Variants in CDH10 observed in about 807,000 individuals in gnomAD.
CDH10 encodes cadherin-10.
A neutral mutation model predicts 73.1 loss-of-function variants in CDH10; 30 were observed. That is an observed-to-expected ratio of 0.41 (90% CI 0.31 to 0.56). The LOEUF (loss-of-function observed/expected upper bound fraction) is 0.56. CDH10 is among the 20% of genes least tolerant of loss of function. The pLI is 0.27. For synonymous variants in CDH10, 345 were observed against 348.2 expected (o/e 0.99, Z 0.10); for missense variants, 815 against 973.7 (o/e 0.84, Z 2.17).
chr5:24,498,342 A>C (rs1742366232), intron 9 of CDH10, 56 bp downstream of exon 9: 1 of 1,227,866 alleles, frequency 8.1e-7, no homozygotes, highest in African/African-American at 1.5e-5. Context: ...TTTGAAAAGA[A>C]AATATTTTGC....
At chr5:24,573,539 A>C (rs1745477847) in intron 2 of CDH10, among the ~76,000 whole-genome samples, 1 of 151,782 alleles carries the variant, frequency 6.6e-6, no homozygotes, top group South Asian at 2.1e-4. Context: ...GACTCTACTA[A>C]AAATACAGAA....
At chr5:24,599,836 C>T (rs564790612) in intron 1 of CDH10, among the ~76,000 whole-genome samples, 1 of 152,168 alleles carries the variant, frequency 6.6e-6, no homozygotes, top group East Asian at 1.9e-4. Context: ...AACTTATCAG[C>T]ACTAATTTTT....
intron 2 of CDH10, among the ~76,000 whole-genome samples, chr5:24,562,253 T>C (rs994552571): frequency 5.3e-5 from 8 of 152,094 alleles, no homozygotes; most frequent in African/African-American, 1.9e-4. Flanking sequence ...ACATCCATAA[T>C]TTAAAACATT....
intron 1 of CDH10, among the ~76,000 whole-genome samples, chr5:24,594,506 T>A (rs980486017): frequency 6.6e-6 from 1 of 151,942 alleles, no homozygotes; most frequent in Admixed American, 6.6e-5. Context: ...CCAATAATAC[T>A]GCACTCAATT....
intron 7 of CDH10, among the ~76,000 whole-genome samples, chr5:24,508,086 G>C (rs139433309): frequency 6.6e-6 from 1 of 152,136 alleles, no homozygotes; most frequent in Non-Finnish European, 1.5e-5. Context: ...GTAAGAGTGC[G>C]CTCAGAAAGT....
At chr5:24,522,460 C>T (rs1211835018) in intron 5 of CDH10, among the ~76,000 whole-genome samples, 1 of 151,124 alleles carries the variant, frequency 6.6e-6, no homozygotes, top group East Asian at 2.0e-4. Flanking sequence ...GCATGAGATC[C>T]AGAAAGTTCA....
At chr5:24,512,268 T>G (rs1383035944) in intron 5 of CDH10, among the ~76,000 whole-genome samples, 4 of 152,146 alleles carry the variant, frequency 2.6e-5, no homozygotes, top group Admixed American at 2.6e-4. Flanking sequence ...ATCTCTGGGA[T>G]AGTTGGGATT....
intron 1 of CDH10, among the ~76,000 whole-genome samples, chr5:24,611,580 G>A (rs1429148085): frequency 6.6e-6 from 1 of 152,038 alleles, no homozygotes; most frequent in African/African-American, 2.4e-5. Context: ...AACAAGTTTT[G>A]TCTCCTATTT....
chr5:24,623,248 G>A lies in CDH10; in HGVS notation c.-124+21346C>T, dbSNP rs573585896. Among the ~76,000 whole-genome samples the A allele has an allele frequency of 2.0e-5, 3 of 152,270 alleles. No homozygotes were observed. The East Asian group carries it at 5.8e-4, about 29-fold the overall frequency. On this transcript the variant is annotated intron_variant, in intron 1 of 11. Coordinates refer to ENST00000264463, the MANE Select transcript of CDH10 (RefSeq NM_006727.5). ...AGGCACGCTCCTGGTGGGGGTACTA[G>A]TTTTATGTAACAGTCTTGAACAGCT...
In CDH10 at chr5:24,617,833, A is replaced by G. The variant is rs970046911; in HGVS notation, c.-123-24220T>C. On this transcript the variant is annotated intron_variant, in intron 1 of 11. Transcript: ENST00000264463. ...CCTCCCCGCCTGATGCACTTGGATC[A>G]CTTTGTCATTATCAATATAACCGTA... Among the ~76,000 whole-genome samples the G allele has an allele frequency of 3.3e-5, 5 of 152,152 alleles. 1 individual carries two copies. Among genetic ancestry groups the G allele is most frequent in the African/African-American group, 1.2e-4 (5 of 41,440 alleles).
intron 2 of CDH10, among the ~76,000 whole-genome samples, chr5:24,564,389 A>G (rs1561166204): frequency 6.6e-6 from 1 of 152,178 alleles, no homozygotes. Flanking sequence ...CAGGGTCTAC[A>G]TGGTGTGTTT....
chr5:24,603,718 G>GAAA (rs112600816), intron 1 of CDH10, among the ~76,000 whole-genome samples: 17 of 149,144 alleles, frequency 1.1e-4, no homozygotes, highest in South Asian at 2.1e-4. Flanking sequence ...ATACTTGCTG[G>GAAA]AAAAAAAAAA....
At chr5:24,604,217 G>T (rs185599972) in intron 1 of CDH10, among the ~76,000 whole-genome samples, 2 of 152,024 alleles carry the variant, frequency 1.3e-5, no homozygotes, top group Non-Finnish European at 2.9e-5. Context: ...ACATGTAGTG[G>T]CACAGGCCTG....
At chr5:24,492,947 T>A (rs953629223) in intron 9 of CDH10, 22 bp from the exon 10 acceptor site, 6 of 902,542 alleles carry the variant, frequency 6.6e-6, no homozygotes, top group Non-Finnish European at 9.4e-6. Flanking sequence ...GAAAAATATA[T>A]CTCATCAATA....
At chr5:24,577,006 T>TAA (rs143942567) in intron 2 of CDH10, among the ~76,000 whole-genome samples, 1,496 of 144,346 alleles carry the variant, frequency 0.01, 36 homozygotes, top group African/African-American at 0.036. Context: ...GCTAAAATAT[T>TAA]AAAAAAAAAA....
intron 11 of CDH10, among the ~76,000 whole-genome samples, chr5:24,490,117 A>G (rs914142575): frequency 2.0e-5 from 3 of 152,174 alleles, no homozygotes; most frequent in Non-Finnish European, 4.4e-5. Context: ...CTAAAAACTT[A>G]CTACCATTAA....
At chr5:24,534,458 A>C (rs1309603362) in intron 5 of CDH10, among the ~76,000 whole-genome samples, 1 of 152,120 alleles carries the variant, frequency 6.6e-6, no homozygotes, top group Non-Finnish European at 1.5e-5. Flanking sequence ...ACAAGAAAGA[A>C]GAATAAATGC....
intron 1 of CDH10, among the ~76,000 whole-genome samples, chr5:24,623,221 T>G (rs868675710): frequency 6.6e-6 from 1 of 152,192 alleles, no homozygotes; most frequent in African/African-American, 2.4e-5. Flanking sequence ...GGGAAGCTAG[T>G]CAGGCACGCT....
chr5:24,615,640 T>A (rs1393715541), intron 1 of CDH10, among the ~76,000 whole-genome samples: 2 of 152,248 alleles, frequency 1.3e-5, no homozygotes, highest in Non-Finnish European at 2.9e-5. Flanking sequence ...TTTTGCTCTC[T>A]GAAGCCTGAA....
Sources: allele counts gnomAD v4.1 joint callset (sites outside exome capture counted in the v4.1 genomes callset), GRCh38; gene constraint gnomAD v4.1.1; transcripts MANE v1.5; gene names NCBI Gene and HGNC (gene_info 2026-07-23, HGNC 2026-07-21).